The following ZFAT variants were observed in gnomAD, a reference collection of about 807,000 sequenced individuals.
The protein encoded by ZFAT is zinc finger and AT-hook domain containing.
A neutral mutation model predicts 117.7 loss-of-function variants in ZFAT; 64 were observed. The ratio of observed to expected loss-of-function variants is 0.54; its 90% CI spans 0.44 to 0.67. The LOEUF is 0.67. ZFAT is among the 30% of genes least tolerant of loss of function. ZFAT has a pLI of 0.00. For missense variants in ZFAT, 1,433 were observed against 1,584.5 expected, an observed-to-expected ratio of 0.90 and a Z score of 1.62; for synonymous variants, 679 against 615.0, an observed-to-expected ratio of 1.10 and a Z score of -1.54.
At chr8:134,815,831 G>C in the ZFAT span, among the ~76,000 whole-genome samples, 293 of 152,190 alleles carry the variant, frequency 1.9e-3, 3 homozygotes, top group African/African-American at 6.7e-3. Context: ...GTCTGAAGTG[G>C]GCTTTCACCA....
At chr8:134,582,546 A>G (rs541017813) in intron 10 of ZFAT, among the ~76,000 whole-genome samples, 39 of 152,344 alleles carry the variant, frequency 2.6e-4, no homozygotes, top group Non-Finnish European at 5.1e-4. Context: ...TAATGCTTTC[A>G]TTATTCAAGT....
intron 1 of ZFAT, among the ~76,000 whole-genome samples, chr8:134,680,306 G>A (rs1229010028): frequency 6.6e-6 from 1 of 151,682 alleles, no homozygotes; most frequent in Non-Finnish European, 1.5e-5. Flanking sequence ...GTCACTTGTG[G>A]GGAAAGAATG....
chr8:134,781,110 A>T, the ZFAT span, among the ~76,000 whole-genome samples: 1 of 152,042 alleles, frequency 6.6e-6, no homozygotes, highest in Non-Finnish European at 1.5e-5. Flanking sequence ...TAAACTTTAT[A>T]TACTAGAAAT....
At chr8:134,679,802 G>A (rs534583241) in intron 1 of ZFAT, among the ~76,000 whole-genome samples, 10 of 152,288 alleles carry the variant, frequency 6.6e-5, no homozygotes, top group South Asian at 2.1e-4. Context: ...CACGGATGAA[G>A]CTGGAAACCA....
intron 9 of ZFAT, among the ~76,000 whole-genome samples, chr8:134,584,507 A>G (rs888051588): frequency 3.9e-5 from 6 of 152,252 alleles, no homozygotes; most frequent in Admixed American, 6.5e-5. Context: ...CAAAAACTCA[A>G]TGGGATCAGG....
At chr8:134,685,816 A>T (rs1187906490) in intron 1 of ZFAT, among the ~76,000 whole-genome samples, 1 of 152,246 alleles carries the variant, frequency 6.6e-6, no homozygotes, top group Non-Finnish European at 1.5e-5. Context: ...ATTTTAAAAA[A>T]CATGGCTAGT....
chr8:134,659,581 G>T (rs893558292), intron 1 of ZFAT, among the ~76,000 whole-genome samples: 1 of 152,156 alleles, frequency 6.6e-6, no homozygotes, highest in Non-Finnish European at 1.5e-5. Context: ...TGGCTTGTGC[G>T]TGCAGAACTC....
In ZFAT at chr8:134,603,005, T is replaced by C. The variant is rs945134982; in HGVS notation, c.786-72A>G. On this transcript the variant is annotated intron_variant, in intron 5 of 15. Transcript: ENST00000377838. The stretch of plus-strand genomic sequence containing the variant: ...CCTCATGAACTCTACATCCTTTTCA[T>C]GAACCAAACACTAAAGGCTGAAAAG... 7 of 1,532,972 alleles carry C rather than the reference T, an allele frequency of 4.6e-6. No individual in the cohort carries two copies. The Admixed American group carries it at 1.5e-4, about 32-fold the overall frequency. The allele number at this position is 1,532,972 out of a possible 1,614,324, so 95.0% of individuals were successfully genotyped here. A position where few individuals can be genotyped will look rare whatever the true frequency, so the allele number is the denominator to read the frequency against.
At chr8:134,656,227 C>T (rs1831592411) in intron 2 of ZFAT, among the ~76,000 whole-genome samples, 1 of 152,116 alleles carries the variant, frequency 6.6e-6, no homozygotes, top group African/African-American at 2.4e-5. Context: ...TCCTCCTCTA[C>T]CCCAAAGCAA....
the ZFAT span, among the ~76,000 whole-genome samples, chr8:134,824,950 T>C: frequency 6.6e-6 from 1 of 152,156 alleles, no homozygotes; most frequent in Non-Finnish European, 1.5e-5. Context: ...CTGGCATAAG[T>C]GTAATTTTTT....
At chr8:134,804,823 C>G in the ZFAT span, 3 of 525,250 alleles carry the variant, frequency 5.7e-6, no homozygotes, top group South Asian at 4.3e-5. Context: ...TTATAGCCTC[C>G]TCAACTCCAC....
At chr8:134,796,375 G>A in the ZFAT span, 8 of 152,158 alleles carry the variant, frequency 5.3e-5, no homozygotes, top group African/African-American at 1.9e-4. Context: ...TGTCAGAATT[G>A]AACTGAATTA....
chr8:134,577,725 A>T (rs957798753), intron 10 of ZFAT, among the ~76,000 whole-genome samples: 2 of 152,230 alleles, frequency 1.3e-5, no homozygotes, highest in Non-Finnish European at 2.9e-5. Context: ...GGAAGACACA[A>T]AACATCATAA....
intron 2 of ZFAT, among the ~76,000 whole-genome samples, chr8:134,638,389 C>T (rs375719603): frequency 5.5e-4 from 84 of 152,020 alleles, no homozygotes; most frequent in Non-Finnish European, 8.2e-4. Flanking sequence ...CATTCATCTC[C>T]GGAATGAAGG....
chr8:134,729,401 A>G, the ZFAT span, among the ~76,000 whole-genome samples: 6 of 152,206 alleles, frequency 3.9e-5, no homozygotes, highest in Non-Finnish European at 8.8e-5. Flanking sequence ...GCGTGATCTC[A>G]GCTCACTGCA....
At chr8:134,797,998 A>C in the ZFAT span, 2 of 149,646 alleles carry the variant, frequency 1.3e-5, no homozygotes, top group African/African-American at 2.5e-5. Context: ...TAAAAAAAAA[A>C]CACATTAAAA....
chr8:134,731,542 T>C, the ZFAT span, among the ~76,000 whole-genome samples: 4 of 152,152 alleles, frequency 2.6e-5, no homozygotes, highest in Admixed American at 2.0e-4. Flanking sequence ...TATACAGAAA[T>C]AAATGGGCAT....
intron 15 of ZFAT, among the ~76,000 whole-genome samples, chr8:134,500,372 G>A (rs1375907723): frequency 2.6e-5 from 4 of 152,216 alleles, no homozygotes; most frequent in African/African-American, 9.6e-5. Flanking sequence ...TTAGGAAAAG[G>A]AAGAAAAGTG....
At chr8:134,649,970 G>A (rs1304059015) in intron 2 of ZFAT, among the ~76,000 whole-genome samples, 3 of 152,050 alleles carry the variant, frequency 2.0e-5, no homozygotes, top group African/African-American at 2.4e-5. Context: ...ATAATCGTCT[G>A]GCATTTCCCC....
Sources: allele counts gnomAD v4.1 joint callset (sites outside exome capture counted in the v4.1 genomes callset), GRCh38; gene constraint gnomAD v4.1.1; transcripts MANE v1.5; gene names NCBI Gene and HGNC (gene_info 2026-07-23, HGNC 2026-07-21).